Variants in DLGAP2 observed in about 807,000 individuals in gnomAD.
The protein encoded by DLGAP2 is disks large-associated protein 2.
DLGAP2 carries 26 observed loss-of-function variants against 100.3 expected under a neutral mutation model. The observed-to-expected ratio is 0.26, with a 90% CI of 0.19 to 0.36. The LOEUF is 0.36. Ranked by LOEUF, DLGAP2 falls within the 10% of genes least tolerant of loss-of-function variation. The pLI is 1.00. For missense variants in DLGAP2, 1,858 were observed against 1,453.2 expected, an observed-to-expected ratio of 1.28 and a Z score of -4.53; for synonymous variants, 886 against 630.1, an observed-to-expected ratio of 1.41 and a Z score of -6.08.
At chr8:877,315 C>T (rs533156872) in intron 1 of DLGAP2, among the ~76,000 whole-genome samples, 6 of 152,102 alleles carry the variant, frequency 3.9e-5, no homozygotes, top group South Asian at 4.1e-4. Context: ...GTTGTTTCTT[C>T]GTTCAGTGAT....
At chr8:1,108,836 A>G (rs1182106856) in intron 2 of DLGAP2, among the ~76,000 whole-genome samples, 2 of 99,396 alleles carry the variant, frequency 2.0e-5, no homozygotes, top group African/African-American at 4.2e-5. Flanking sequence ...GTGCCTATGA[A>G]GTGTGCTGGG....
intron 3 of DLGAP2, among the ~76,000 whole-genome samples, chr8:1,447,409 A>G (rs2130093539): frequency 6.6e-6 from 1 of 152,242 alleles, no homozygotes; most frequent in South Asian, 2.1e-4. Flanking sequence ...CATATGTTGA[A>G]CCATCCTTGC....
At chr8:989,618 G>A (rs1366563561) in intron 2 of DLGAP2, among the ~76,000 whole-genome samples, 1 of 152,170 alleles carries the variant, frequency 6.6e-6, no homozygotes, top group African/African-American at 2.4e-5. Flanking sequence ...TTGAAAGGTA[G>A]ACATTCCTTG....
intron 3 of DLGAP2, among the ~76,000 whole-genome samples, chr8:1,263,418 A>T (rs548586256): frequency 6.6e-6 from 1 of 152,280 alleles, no homozygotes; most frequent in South Asian, 2.1e-4. Context: ...AGAATCTTAT[A>T]TTTTAGAATT....
intron 2 of DLGAP2, among the ~76,000 whole-genome samples, chr8:1,165,407 A>G (rs911171766): frequency 6.6e-6 from 1 of 152,224 alleles, no homozygotes; most frequent in African/African-American, 2.4e-5. Context: ...CTTAGGGGAC[A>G]GGTGCTGTGA....
rs1380114850 is a variant in DLGAP2, at chr8:1,548,789, C to T, written c.336C>T (p.His112=). The change falls in exon 5 of 15, where the codon CAC becomes CAT. Residue 112 remains histidine (H), a synonymous_variant. Transcript: ENST00000637795. ...APPEDCEHLH[H]GPDARPPYLL... is the part of the protein sequence containing the mutation. ...CGGAGGACTGCGAGCACCTGCACCA[C>T]GGGCCCGACGCGCGGCCGCCCTACC... 5 of 1,586,214 alleles carry T rather than the reference C, an allele frequency of 3.2e-6. No homozygotes were observed. The highest frequency in any genetic ancestry group is 3.4e-6 in the Non-Finnish European group (4 of 1,169,408).
chr8:1,183,656 G>A lies in DLGAP2; in HGVS notation c.74-75195G>A, dbSNP rs193164692. 2.9e-3 allele frequency among the ~76,000 whole-genome samples: 440 copies of A among 152,308 alleles called. 2 individuals are homozygous for A. The highest frequency in any genetic ancestry group is 9.5e-3 in the African/African-American group (396 of 41,560). On this transcript the variant is annotated intron_variant, in intron 2 of 14. Transcript: ENST00000637795. ...TGGCTTGAGTAAGTCCACAGGGCAG[G>A]CGGTGGAGCCCAGGAGACAGGGCAG...
intron 2 of DLGAP2, among the ~76,000 whole-genome samples, chr8:1,119,144 C>T (rs1362389950): frequency 6.6e-6 from 1 of 152,142 alleles, no homozygotes; most frequent in Admixed American, 6.6e-5. Flanking sequence ...GCAGTTTGGC[C>T]CATATTATTT....
chr8:1,697,537 C>G (rs371311308), intron 14 of DLGAP2, among the ~76,000 whole-genome samples: 10 of 152,234 alleles, frequency 6.6e-5, no homozygotes, highest in African/African-American at 2.4e-4. Context: ...AATAGGGTCT[C>G]CCCTGCTCTG....
At chr8:974,826 T>C (rs557881235) in intron 2 of DLGAP2, among the ~76,000 whole-genome samples, 1 of 152,166 alleles carries the variant, frequency 6.6e-6, no homozygotes, top group South Asian at 2.1e-4. Context: ...CATCTAAACT[T>C]CTTCTTTAAA....
At chr8:1,663,121 G>A in intron 8 of DLGAP2, among the ~76,000 whole-genome samples, 1 of 133,496 alleles carries the variant, frequency 7.5e-6, no homozygotes, top group Non-Finnish European at 1.6e-5. Context: ...TGTACACAGT[G>A]TGGGGGGTGT....
intron 6 of DLGAP2, among the ~76,000 whole-genome samples, chr8:1,607,757 C>T (rs574525678): frequency 6.6e-6 from 1 of 152,220 alleles, no homozygotes; most frequent in African/African-American, 2.4e-5. Flanking sequence ...AGTTCCCTTT[C>T]TGAGTCAAAG....
chr8:1,176,642 G>A (rs1797265460), intron 2 of DLGAP2, among the ~76,000 whole-genome samples: 1 of 152,158 alleles, frequency 6.6e-6, no homozygotes, highest in Non-Finnish European at 1.5e-5. Context: ...GGAAGAAGTT[G>A]GAGGCTGGGC....
intron 4 of DLGAP2, among the ~76,000 whole-genome samples, chr8:1,533,959 A>T (rs1470006949): frequency 6.6e-6 from 1 of 152,262 alleles, no homozygotes; most frequent in East Asian, 1.9e-4. Context: ...TATCTAAAAA[A>T]ATAAAATACT....
chr8:900,597 A>G (rs1391446910), intron 1 of DLGAP2, among the ~76,000 whole-genome samples: 1 of 152,176 alleles, frequency 6.6e-6, no homozygotes, highest in Non-Finnish European at 1.5e-5. Context: ...CCCCCGGTTC[A>G]GCACCCATGG....
intron 2 of DLGAP2, among the ~76,000 whole-genome samples, chr8:965,213 C>G (rs1271592060): frequency 7.1e-6 from 1 of 140,902 alleles, no homozygotes; most frequent in South Asian, 2.3e-4. Flanking sequence ...GCTCCTGAGT[C>G]TGACCCCGCA....
At chr8:1,432,804 C>G (rs1387078494) in intron 3 of DLGAP2, among the ~76,000 whole-genome samples, 1 of 152,188 alleles carries the variant, frequency 6.6e-6, no homozygotes, top group African/African-American at 2.4e-5. Context: ...TTGGATTAAA[C>G]CAGGTTCAGC....
intron 3 of DLGAP2, among the ~76,000 whole-genome samples, chr8:1,456,958 C>T (rs11785279): frequency 0.53 from 80,090 of 152,070 alleles, 21,691 homozygotes; most frequent in East Asian, 0.87. Context: ...TCACAGCACA[C>T]TAATGAGCGC....
At chr8:1,072,460 G>C (rs1803463960) in intron 2 of DLGAP2, among the ~76,000 whole-genome samples, 1 of 152,158 alleles carries the variant, frequency 6.6e-6, no homozygotes, top group Non-Finnish European at 1.5e-5. Context: ...TTGGAGACTT[G>C]AAATGCAGAG....
Sources: allele counts gnomAD v4.1 joint callset (sites outside exome capture counted in the v4.1 genomes callset), GRCh38; gene constraint gnomAD v4.1.1; transcripts MANE v1.5; gene names NCBI Gene and HGNC (gene_info 2026-07-23, HGNC 2026-07-21).